The following ANK2 variants were observed in gnomAD, a reference collection of about 807,000 sequenced individuals.
ANK2 encodes ankyrin 2, also known as ankyrin-2.
Under a neutral mutation model 360.5 loss-of-function variants are expected in ANK2, and 83 were observed. The ratio of observed to expected loss-of-function variants is 0.23; its 90% CI spans 0.19 to 0.28. The LOEUF is 0.28. ANK2 is among the 10% of genes least tolerant of loss of function. ANK2 has a pLI of 1.00. For synonymous variants in ANK2, 1,740 were observed against 1,759.5 expected, an observed-to-expected ratio of 0.99 and a Z score of 0.28; for missense variants, 4,201 against 4,795.7, an observed-to-expected ratio of 0.88 and a Z score of 3.66.
intron 1 of ANK2, among the ~76,000 whole-genome samples, chr4:112,857,714 T>G (rs2066805034): frequency 1.3e-5 from 2 of 152,190 alleles, no homozygotes; most frequent in African/African-American, 4.8e-5. Context: ...GTTACCAATC[T>G]GAGTTGGTTG....
chr4:112,842,381 G>T (rs2062301629), intron 1 of ANK2, among the ~76,000 whole-genome samples: 1 of 152,190 alleles, frequency 6.6e-6, no homozygotes, highest in African/African-American at 2.4e-5. Context: ...GAAAGCAATA[G>T]TTTAAATCTC....
At chr4:113,139,675 C>G (rs1456258576) in intron 1 of ANK2, among the ~76,000 whole-genome samples, 3 of 152,202 alleles carry the variant, frequency 2.0e-5, no homozygotes, top group Non-Finnish European at 4.4e-5. Context: ...ACACTTCTGT[C>G]CTCATAGTCT....
chr4:113,191,442 C>T (rs1211135797), intron 2 of ANK2, among the ~76,000 whole-genome samples: 1 of 152,052 alleles, frequency 6.6e-6, no homozygotes, highest in Non-Finnish European at 1.5e-5. Context: ...ACTAATAAAC[C>T]AAGCTCCTTT....
chr4:112,944,965 G>A (rs1310448685), intron 2 of ANK2, among the ~76,000 whole-genome samples: 1 of 152,208 alleles, frequency 6.6e-6, no homozygotes, highest in African/African-American at 2.4e-5. Flanking sequence ...GAATTTATAT[G>A]AGTTATTACA....
chr4:112,958,188 G>T (rs921655613), intron 2 of ANK2, among the ~76,000 whole-genome samples: 1 of 152,160 alleles, frequency 6.6e-6, no homozygotes, highest in Non-Finnish European at 1.5e-5. Flanking sequence ...CTTCCCAGAC[G>T]GGGTGGCGGC....
intron 20 of ANK2, among the ~76,000 whole-genome samples, chr4:113,289,044 G>A (rs922493425): frequency 6.6e-6 from 1 of 152,108 alleles, no homozygotes; most frequent in East Asian, 1.9e-4. Context: ...GCAAAGCAAG[G>A]TTGGAACATA....
chr4:112,716,982 C>T, the ANK2 span, among the ~76,000 whole-genome samples: 1 of 152,158 alleles, frequency 6.6e-6, no homozygotes, highest in Non-Finnish European at 1.5e-5. Flanking sequence ...AGTGCTACAT[C>T]TGGAATTTAT....
chr4:113,156,978 CA>C (rs1213604459), intron 1 of ANK2, among the ~76,000 whole-genome samples: 2 of 150,878 alleles, frequency 1.3e-5, no homozygotes, highest in African/African-American at 2.4e-5. Context: ...ATTGTAAGAG[CA>C]AAAAAGGCAT....
At chr4:112,966,090 A>G (rs2037107910) in intron 2 of ANK2, among the ~76,000 whole-genome samples, 1 of 151,798 alleles carries the variant, frequency 6.6e-6, no homozygotes. Context: ...ATCTAAATCT[A>G]TAAACATCTT....
intron 1 of ANK2, among the ~76,000 whole-genome samples, chr4:113,135,757 TG>T (rs1303473588): frequency 6.6e-6 from 1 of 152,198 alleles, no homozygotes; most frequent in Non-Finnish European, 1.5e-5. Flanking sequence ...TTGGCATTTT[TG>T]TTCTTTTCAT....
Position 113,355,233 on chromosome 4 carries a change from A to G in ANK2, c.6615A>G (p.Leu2205=), listed in dbSNP as rs758361555. 1 of 1,614,132 alleles carries G rather than the reference A, an allele frequency of 6.2e-7. No homozygotes were observed. Among genetic ancestry groups the G allele is most frequent in the South Asian group, 1.1e-5 (1 of 91,086 alleles). The part of the protein sequence containing the change: ...SGALDGSSES[L]KNEGVAGSPC... ...CTTTAGATGGCAGTTCTGAAAGCCT[A>G]AAGAATGAGGGGGTAGCCGGCTCTC... is the stretch of plus-strand genomic sequence containing the variant. The change falls in exon 38 of 46, where the codon CTA becomes CTG. Residue 2205 remains leucine, a synonymous_variant. Transcript: ENST00000357077.
intron 1 of ANK2, 59 bp downstream of exon 1, chr4:113,049,871 G>C: frequency 6.3e-7 from 1 of 1,581,792 alleles, no homozygotes; most frequent in Admixed American, 1.7e-5. Flanking sequence ...GCATGTGTGA[G>C]TGTGTAATAT....
chr4:112,967,205 CTG>C (rs1035850999), intron 2 of ANK2, among the ~76,000 whole-genome samples: 4 of 152,160 alleles, frequency 2.6e-5, no homozygotes, highest in African/African-American at 9.7e-5. Flanking sequence ...ATTTGTGAGA[CTG>C]TGTATATGAT....
intron 2 of ANK2, among the ~76,000 whole-genome samples, chr4:113,191,873 T>C (rs183637622): frequency 6.2e-4 from 95 of 152,278 alleles, no homozygotes; most frequent in Admixed American, 1.8e-3. Flanking sequence ...TTTTGCCCTG[T>C]GCCCGTGTTC....
At chr4:113,196,704 A>T (rs1000312891) in intron 3 of ANK2, among the ~76,000 whole-genome samples, 55 of 151,992 alleles carry the variant, frequency 3.6e-4, no homozygotes, top group African/African-American at 7.5e-4. Flanking sequence ...ATTAAAAAAA[A>T]TTTTTTTAGT....
At chr4:112,849,302 A>G (rs953660468) in intron 1 of ANK2, among the ~76,000 whole-genome samples, 2 of 152,160 alleles carry the variant, frequency 1.3e-5, no homozygotes, top group African/African-American at 4.8e-5. Flanking sequence ...TTACATCTCT[A>G]TTTCTTTTAA....
At chr4:112,927,011 G>A (rs1581286701) in intron 2 of ANK2, among the ~76,000 whole-genome samples, 1 of 152,182 alleles carries the variant, frequency 6.6e-6, no homozygotes, top group Non-Finnish European at 1.5e-5. Flanking sequence ...AGGAGAATGA[G>A]ATCTGAGCAA....
intron 1 of ANK2, among the ~76,000 whole-genome samples, chr4:113,141,034 C>T (rs1354493462): frequency 1.3e-5 from 2 of 151,884 alleles, no homozygotes; most frequent in Non-Finnish European, 2.9e-5. Context: ...AACTAGCTTA[C>T]ACAGTTGATT....
At chr4:112,985,275 T>A (rs7663450) in intron 2 of ANK2, among the ~76,000 whole-genome samples, 42,698 of 151,984 alleles carry the variant, frequency 0.28, 6,479 homozygotes, top group East Asian at 0.44. Context: ...GTCGTGTTTG[T>A]TTTTCACAGG....
Sources: allele counts gnomAD v4.1 joint callset (sites outside exome capture counted in the v4.1 genomes callset), GRCh38; gene constraint gnomAD v4.1.1; transcripts MANE v1.5; gene names NCBI Gene and HGNC (gene_info 2026-07-23, HGNC 2026-07-21).